Variants in RARB observed in about 807,000 individuals in gnomAD.
The protein encoded by RARB is HBV-activated protein.
In RARB, 17 loss-of-function variants were observed where a neutral mutation model predicts 51.9. That is an observed-to-expected ratio of 0.33 (90% CI 0.22 to 0.49). The LOEUF is 0.49. Among genes scored for constraint, RARB ranks in the 20% least tolerant of loss-of-function variants. RARB has a pLI of 0.99. For missense variants in RARB, 369 were observed against 550.8 expected (o/e 0.67, Z 3.30); for synonymous variants, 215 against 195.4 (o/e 1.10, Z -0.84).
At chr3:24,909,818 T>C (rs1395315146) in intron 2 of RARB, among the ~76,000 whole-genome samples, 1 of 152,184 alleles carries the variant, frequency 6.6e-6, no homozygotes, top group Non-Finnish European at 1.5e-5. Context: ...TTTTGATGTC[T>C]GATTGTGTAG....
At chr3:24,904,405 G>GA (rs1190608038) in intron 2 of RARB, among the ~76,000 whole-genome samples, 3 of 151,978 alleles carry the variant, frequency 2.0e-5, no homozygotes, top group African/African-American at 7.2e-5. Context: ...ACAAACATAT[G>GA]AAAAAAAGCT....
At chr3:25,192,768 C>T (rs1701135754) in intron 5 of RARB, among the ~76,000 whole-genome samples, 1 of 151,956 alleles carries the variant, frequency 6.6e-6, no homozygotes. Context: ...TTGAAAACAC[C>T]AGTGTCACCC....
At position 25,428,320 on chromosome 3, in the gene RARB, A is replaced by G. The variant is rs1164922320; in HGVS notation, c.-412A>G. On this transcript the variant is annotated 5_prime_UTR_variant, in exon 1 of 8. Coordinates refer to ENST00000330688, the MANE Select transcript of RARB (RefSeq NM_000965.5). ...AGGCAGGAGGGTCTATTCTTTGCCA[A>G]AGGGGGGACCAGAATTCCCCCATGC... is the stretch of plus-strand genomic sequence containing the variant. 3 of 1,245,872 alleles carry G rather than the reference A, an allele frequency of 2.4e-6. No homozygotes were observed. The highest frequency in any genetic ancestry group is 1.5e-5 in the African/African-American group (1 of 64,818). The allele number at this position is 1,245,872 out of a possible 1,614,324, so 77.2% of individuals were successfully genotyped here. A position where few individuals can be genotyped will look rare whatever the true frequency, so the allele number is the denominator to read the frequency against.
At chr3:25,386,021 A>T (rs894575247) in intron 5 of RARB, among the ~76,000 whole-genome samples, 6 of 152,118 alleles carry the variant, frequency 3.9e-5, no homozygotes, top group Non-Finnish European at 8.8e-5. Context: ...GATCCAGCAC[A>T]TTTCCTCTTT....
chr3:25,127,469 A>G (rs1218483029), intron 3 of RARB, among the ~76,000 whole-genome samples: 2 of 151,908 alleles, frequency 1.3e-5, no homozygotes, highest in East Asian at 1.9e-4. Context: ...CTGTGTCCCA[A>G]TTTTTCCGTA....
At chr3:24,928,194 G>A (rs1695360553) in intron 2 of RARB, among the ~76,000 whole-genome samples, 1 of 151,834 alleles carries the variant, frequency 6.6e-6, no homozygotes, top group African/African-American at 2.4e-5. Context: ...ATTTGTAGGT[G>A]TTTCCATTGC....
chr3:24,870,474 AT>A (rs1192090733), intron 2 of RARB, among the ~76,000 whole-genome samples: 1 of 151,972 alleles, frequency 6.6e-6, no homozygotes, highest in African/African-American at 2.4e-5. Context: ...GTTATGTTTT[AT>A]TTTTTATAAA....
intron 2 of RARB, among the ~76,000 whole-genome samples, chr3:24,895,506 T>C (rs1703459457): frequency 6.6e-6 from 1 of 152,148 alleles, no homozygotes; most frequent in African/African-American, 2.4e-5. Context: ...AGCTTATTTA[T>C]CAAGGTGTAG....
chr3:25,102,694 C>A (rs1006643980), intron 3 of RARB, among the ~76,000 whole-genome samples: 10 of 152,054 alleles, frequency 6.6e-5, no homozygotes, highest in East Asian at 1.9e-4. Flanking sequence ...ATGAAAGAGA[C>A]ATTTTGGTAT....
chr3:25,142,102 C>T (rs1320734072), intron 4 of RARB, among the ~76,000 whole-genome samples: 4 of 152,168 alleles, frequency 2.6e-5, no homozygotes, highest in East Asian at 1.9e-4. Context: ...GAGGATGAGG[C>T]GGACAGATCA....
At chr3:24,971,268 G>C (rs1226572693) in intron 2 of RARB, among the ~76,000 whole-genome samples, 1 of 151,918 alleles carries the variant, frequency 6.6e-6, no homozygotes, top group South Asian at 2.1e-4. Flanking sequence ...AGATGAGGGA[G>C]CTGAGGCTAG....
At chr3:24,982,677 C>T (rs890973367) in intron 2 of RARB, among the ~76,000 whole-genome samples, 14 of 152,186 alleles carry the variant, frequency 9.2e-5, no homozygotes, top group African/African-American at 3.1e-4. Flanking sequence ...AATTCCCTGA[C>T]TGTTTTTGTT....
intron 1 of RARB, among the ~76,000 whole-genome samples, chr3:24,848,355 C>A (rs1702511524): frequency 6.6e-6 from 1 of 152,180 alleles, no homozygotes; most frequent in Non-Finnish European, 1.5e-5. Context: ...TCCATGGCGC[C>A]TGGCCCTGTA....
chr3:25,013,125 A>G (rs536450445), intron 2 of RARB, among the ~76,000 whole-genome samples: 6 of 152,206 alleles, frequency 3.9e-5, no homozygotes, highest in Non-Finnish European at 7.4e-5. Context: ...ATTTGAATCA[A>G]CAGAGACCTA....
chr3:25,356,914 T>G (rs1333574614), intron 5 of RARB, among the ~76,000 whole-genome samples: 1 of 152,202 alleles, frequency 6.6e-6, no homozygotes, highest in Non-Finnish European at 1.5e-5. Context: ...CAGTCTAACA[T>G]TGATGGGCAT....
chr3:25,264,807 A>G (rs2125408443), intron 5 of RARB, among the ~76,000 whole-genome samples: 1 of 152,280 alleles, frequency 6.6e-6, no homozygotes, highest in Middle Eastern at 3.4e-3. Context: ...CACTGGGAAC[A>G]TACTTGTCTG....
chr3:25,203,540 A>C (rs1701450857), intron 5 of RARB, among the ~76,000 whole-genome samples: 1 of 152,152 alleles, frequency 6.6e-6, no homozygotes, highest in Non-Finnish European at 1.5e-5. Context: ...TGGTCTTTAC[A>C]ATTCGGCATG....
At chr3:25,148,534 G>A (rs321538) in intron 4 of RARB, among the ~76,000 whole-genome samples, 147,315 of 152,298 alleles carry the variant, frequency 0.97, 71,274 homozygotes, top group African/African-American at 0.99. Context: ...CCATTTCTAC[G>A]GTATTTACTG....
intron 5 of RARB, among the ~76,000 whole-genome samples, chr3:25,373,647 G>T (rs1478584814): frequency 6.6e-6 from 1 of 152,132 alleles, no homozygotes. Context: ...ATAGTCTTAA[G>T]ATCTGTACTG....
Sources: gnomAD v4.1 joint callset for allele counts (sites outside exome capture counted in the v4.1 genomes callset) on GRCh38, gnomAD v4.1.1 for gene constraint, MANE v1.5 for transcripts, NCBI Gene and HGNC (gene_info 2026-07-23, HGNC 2026-07-21) for gene names.